Variants in ME3 observed in about 807,000 individuals in gnomAD.
ME3 encodes malic enzyme 3, also known as NADP-dependent malic enzyme, mitochondrial.
A neutral mutation model predicts 68.9 loss-of-function variants in ME3; 48 were observed. The ratio of observed to expected loss-of-function variants is 0.70; its 90% CI spans 0.55 to 0.89. The LOEUF (loss-of-function observed/expected upper bound fraction) is 0.89, where lower values mean the gene tolerates loss of function less well. ME3 is among the 40% of genes least tolerant of loss of function. The pLI is 0.00. For synonymous variants in ME3, 320 were observed against 318.8 expected (o/e 1.00, Z -0.04); for missense variants, 675 against 797.4 (o/e 0.85, Z 1.85).
downstream of ME3, among the ~76,000 whole-genome samples, chr11:86,437,453 C>A (rs993801631): frequency 1.3e-5 from 2 of 152,030 alleles, no homozygotes; most frequent in African/African-American, 4.8e-5. Context: ...CTTTGAGATC[C>A]TTTACATTAC....
intron 4 of ME3, among the ~76,000 whole-genome samples, chr11:86,535,466 A>C (rs1955588686): frequency 1.3e-5 from 2 of 152,174 alleles, no homozygotes; most frequent in South Asian, 4.1e-4. Flanking sequence ...TGTAGGACAT[A>C]ATCTCATTTC....
intron 2 of ME3, among the ~76,000 whole-genome samples, chr11:86,638,516 G>C (rs2135367596): frequency 6.6e-6 from 1 of 152,216 alleles, no homozygotes; most frequent in African/African-American, 2.4e-5. Flanking sequence ...GCTCAAAAAA[G>C]GACGAAAACT....
intron 2 of ME3, among the ~76,000 whole-genome samples, chr11:86,666,709 T>A (rs1408297997): frequency 6.6e-6 from 1 of 152,228 alleles, no homozygotes; most frequent in Non-Finnish European, 1.5e-5. Flanking sequence ...GGAGCTAATA[T>A]TTACACAATA....
chr11:86,599,216 G>A (rs1452953050), intron 2 of ME3, among the ~76,000 whole-genome samples: 4 of 152,146 alleles, frequency 2.6e-5, no homozygotes, highest in Admixed American at 6.5e-5. Flanking sequence ...AAATTTAGAC[G>A]AATGTATAAC....
At chr11:86,441,559 T>C (rs1948998364) in intron 14 of ME3, 119 bp from the exon 15 acceptor site, 1 of 979,858 alleles carries the variant, frequency 1.0e-6, no homozygotes, top group African/African-American at 1.6e-5. Flanking sequence ...GTTTCTTTCA[T>C]GAGTATGGCT....
chr11:86,566,053 G>A (rs1375329598), intron 2 of ME3, among the ~76,000 whole-genome samples: 5 of 134,722 alleles, frequency 3.7e-5, no homozygotes, highest in Non-Finnish European at 8.3e-5. Context: ...TGGAGTGAGG[G>A]CTGCCCTGGC....
At chr11:86,579,601 C>G (rs1227514443) in intron 2 of ME3, among the ~76,000 whole-genome samples, 6 of 152,320 alleles carry the variant, frequency 3.9e-5, no homozygotes, top group South Asian at 4.1e-4. Flanking sequence ...ACAACCGATT[C>G]ATGAACCTGG....
chr11:86,621,519 T>C (rs1186508752), intron 2 of ME3, among the ~76,000 whole-genome samples: 1 of 151,968 alleles, frequency 6.6e-6, no homozygotes, highest in Non-Finnish European at 1.5e-5. Flanking sequence ...CTTCAGAAAG[T>C]TTTTTTTCTA....
intron 4 of ME3, among the ~76,000 whole-genome samples, chr11:86,531,326 C>A (rs77601310): frequency 2.8e-4 from 43 of 151,476 alleles, no homozygotes; most frequent in East Asian, 7.8e-4. Context: ...TTAGAATGGC[C>A]ATCATTAAAA....
chr11:86,671,588 G>A (rs913183206), intron 2 of ME3, 174 bp downstream of exon 2: 1 of 702,906 alleles, frequency 1.4e-6, no homozygotes, highest in Non-Finnish European at 2.3e-6. Flanking sequence ...CGCATAAAAG[G>A]GAGAGGAGGG....
chr11:86,468,694 G>T (rs1332271566), intron 7 of ME3, among the ~76,000 whole-genome samples: 1 of 152,148 alleles, frequency 6.6e-6, no homozygotes, highest in African/African-American at 2.4e-5. Context: ...ATTCATCCCT[G>T]TACATCCAAA....
chr11:86,469,099 C>G (rs1950644092), intron 7 of ME3, among the ~76,000 whole-genome samples: 1 of 152,072 alleles, frequency 6.6e-6, no homozygotes, highest in Admixed American at 6.5e-5. Flanking sequence ...GGCTGGATTT[C>G]TTTCTCCATT....
Position 86,671,977 on chromosome 11 carries a change from CA to C in ME3, c.-14-20del. The C allele has an allele frequency of 7.2e-7, 1 of 1,380,272 alleles. No individual in the cohort carries two copies. The highest frequency in any genetic ancestry group is 9.3e-7 in the Non-Finnish European group (1 of 1,074,454). The allele number at this position is 1,380,272 out of a possible 1,614,324, so 85.5% of individuals were successfully genotyped here. ...GGCAGACCTGGCACGGGAGAGAAAG[CA>C]AGGTCAGGGCCTCCTTCCAGCCAGC... is the stretch of plus-strand genomic sequence containing the variant. On this transcript the variant is annotated intron_variant, in intron 1 of 14. Transcript: ENST00000543262.
At chr11:86,538,325 C>T (rs1471093934) in intron 4 of ME3, among the ~76,000 whole-genome samples, 1 of 152,164 alleles carries the variant, frequency 6.6e-6, no homozygotes, top group Non-Finnish European at 1.5e-5. Flanking sequence ...TCTCTGCCTC[C>T]TCTGAACCGC....
At chr11:86,548,772 A>C (rs1490095452) in intron 4 of ME3, among the ~76,000 whole-genome samples, 1 of 152,230 alleles carries the variant, frequency 6.6e-6, no homozygotes, top group African/African-American at 2.4e-5. Context: ...TGAGGCCCAG[A>C]AAGGGGGAGG....
chr11:86,553,601 T>C (rs529884551), intron 4 of ME3, among the ~76,000 whole-genome samples: 8 of 152,278 alleles, frequency 5.3e-5, no homozygotes, highest in African/African-American at 1.9e-4. Flanking sequence ...GATAACTTAA[T>C]TGGGTAATCA....
At chr11:86,560,495 T>C (rs1208559870) in intron 2 of ME3, among the ~76,000 whole-genome samples, 2 of 151,978 alleles carry the variant, frequency 1.3e-5, no homozygotes, top group East Asian at 1.9e-4. Flanking sequence ...AAACAGTATT[T>C]ACAGAAAAAC....
intron 3 of ME3, among the ~76,000 whole-genome samples, chr11:86,557,474 T>G (rs1303885187): frequency 6.6e-6 from 1 of 152,120 alleles, no homozygotes; most frequent in East Asian, 1.9e-4. Flanking sequence ...TGAGGTGGGA[T>G]GGGAGAAATT....
intron 5 of ME3, among the ~76,000 whole-genome samples, chr11:86,502,413 C>T (rs1952785399): frequency 2.0e-5 from 3 of 152,210 alleles, no homozygotes; most frequent in African/African-American, 7.2e-5. Context: ...GTTGTGTCAT[C>T]TTTGATTCAT....
Sources: gnomAD v4.1 joint callset for allele counts (sites outside exome capture counted in the v4.1 genomes callset) on GRCh38, gnomAD v4.1.1 for gene constraint, MANE v1.5 for transcripts, NCBI Gene and HGNC (gene_info 2026-07-23, HGNC 2026-07-21) for gene names.